SDAD1: variants seen among roughly 807,000 people sequenced by gnomAD.
The protein encoded by SDAD1 is SDA1 domain containing 1.
SDAD1 carries 79 observed loss-of-function variants against 100.3 expected under a neutral mutation model. The ratio of observed to expected loss-of-function variants is 0.79; its 90% CI spans 0.66 to 0.95. The LOEUF (loss-of-function observed/expected upper bound fraction) is 0.95, where lower values mean the gene tolerates loss of function less well. SDAD1 is among the 40% of genes least tolerant of loss of function. The pLI, the probability that SDAD1 is intolerant of heterozygous loss-of-function variation, is 0.00. For missense variants in SDAD1, 790 were observed against 810.9 expected (o/e 0.97, Z 0.31); for synonymous variants, 267 against 271.4 (o/e 0.98, Z 0.16).
At chr4:75,963,481 G>A (rs1418488953) in intron 14 of SDAD1, among the ~76,000 whole-genome samples, 1 of 152,154 alleles carries the variant, frequency 6.6e-6, no homozygotes, top group African/African-American at 2.4e-5. Context: ...ACCTTGGGCA[G>A]TATGGCCATT....
intron 12 of SDAD1, 125 bp downstream of exon 12, chr4:75,967,152 C>T: frequency 2.4e-6 from 2 of 823,980 alleles, no homozygotes; most frequent in Non-Finnish European, 1.9e-6. Flanking sequence ...AAAACAAGGG[C>T]TTCTCTTCAC....
At chr4:75,961,362 T>C (rs568147107) in intron 14 of SDAD1, 54 bp from the exon 15 acceptor site, 1 of 1,296,682 alleles carries the variant, frequency 7.7e-7, no homozygotes, top group East Asian at 2.3e-5. Flanking sequence ...TTTTTCATGA[T>C]TCAACACAGG....
intron 14 of SDAD1, among the ~76,000 whole-genome samples, chr4:75,962,971 C>G (rs990509450): frequency 3.3e-5 from 5 of 152,142 alleles, no homozygotes; most frequent in African/African-American, 1.2e-4. Context: ...CTTGTCCATG[C>G]CTATGTCCTG....
rs534530778 is a variant in SDAD1 at position 75,968,101 on chromosome 4, T to A, written c.988-767A>T. ...GTTGAACATAATGATGGATGTTCAATTGTAGTCAGTTGTGAAACTCCAGTA... is the reference window on the plus strand; with the variant it reads ...GTTGAACATAATGATGGATGTTCAAATGTAGTCAGTTGTGAAACTCCAGTA... On this transcript the variant is annotated intron_variant, in intron 11 of 21. Coordinates refer to ENST00000356260, the MANE Select transcript of SDAD1 (RefSeq NM_018115.4). Among the ~76,000 whole-genome samples the A allele has an allele frequency of 2.0e-5, 3 of 152,300 alleles. No homozygotes were observed. The East Asian group carries it at 5.8e-4, about 29-fold the overall frequency.
chr4:75,988,757 T>A (rs550916432), intron 1 of SDAD1, among the ~76,000 whole-genome samples: 1 of 152,178 alleles, frequency 6.6e-6, no homozygotes. Context: ...GGCACTATCA[T>A]CTACCTAGAC....
At chr4:75,968,149 A>G (rs916624902) in intron 11 of SDAD1, among the ~76,000 whole-genome samples, 1 of 152,202 alleles carries the variant, frequency 6.6e-6, no homozygotes, top group African/African-American at 2.4e-5. Context: ...AACCACGCTT[A>G]AATCACAAAT....
rs779609024 is a variant in SDAD1, at chr4:75,974,117, C to T, written c.595G>A (p.Val199Ile). The stretch of plus-strand genomic sequence containing the variant: ...AAACATGCAGTTGTGATAACATTGA[C>T]AGTTTTTGCATCATTCCTGGGGGAA... ...RRNIWNDAKT[V>I]NVITTACFSK... The change falls in exon 7 of 22, where the codon GTC becomes ATC. Residue 199 changes from valine to isoleucine, a missense_variant. By Grantham distance (29) the Val-to-Ile change is conservative. Transcript: ENST00000356260. 2.5e-6 allele frequency: 4 copies of T among 1,613,714 alleles called. No individual in the cohort carries two copies. Among genetic ancestry groups the T allele is most frequent in the Admixed American group, 3.3e-5 (2 of 60,016 alleles).
chr4:75,981,285 T>C, intron 3 of SDAD1, 87 bp downstream of exon 3: 1 of 1,204,618 alleles, frequency 8.3e-7, no homozygotes, highest in South Asian at 1.4e-5. Flanking sequence ...TGAAGATAAT[T>C]AGCTTAGAGG....
intron 1 of SDAD1, among the ~76,000 whole-genome samples, chr4:75,984,778 A>AACACAC (rs35320227): frequency 0.055 from 7,572 of 136,960 alleles, 543 homozygotes; most frequent in African/African-American, 0.17. Flanking sequence ...CACACACACA[A>AACACAC]ACACACACAC....
At chr4:75,989,720 CT>C (rs1339532928) in intron 1 of SDAD1, among the ~76,000 whole-genome samples, 1 of 152,218 alleles carries the variant, frequency 6.6e-6, no homozygotes, top group East Asian at 1.9e-4. Flanking sequence ...ATCTCAAAGC[CT>C]TGCCTATGTT....
chr4:75,988,926 GTTATTC>G (rs1731067795), intron 1 of SDAD1, among the ~76,000 whole-genome samples: 1 of 152,002 alleles, frequency 6.6e-6, no homozygotes, highest in Admixed American at 6.6e-5. Flanking sequence ...CCCTTGCTTG[GTTATTC>G]TGAGATCCAT....
At position 75,977,746 on chromosome 4, in the gene SDAD1, T is replaced by A. The variant is rs1730236508; in HGVS notation, c.305A>T (p.Lys102Ile). Residue 102 changes from lysine to isoleucine, a missense_variant, in exon 4 of 22, where the codon AAA becomes ATA. Coordinates refer to ENST00000356260, the MANE Select transcript of SDAD1 (RefSeq NM_018115.4). The part of the protein sequence containing the change: ...LDPDLRMTFC[K>I]ALILLRNKNL... The stretch of plus-strand genomic sequence containing the variant: ...CTTATTTCTCAGCAAGATCAAAGCT[T>A]TGCAAAATGTCTCGGGAAGGAAAAA... The A allele has an allele frequency of 6.2e-7, 1 of 1,606,200 alleles. No homozygotes were observed. The highest frequency in any genetic ancestry group is 8.5e-7 in the Non-Finnish European group (1 of 1,174,474).
At position 75,990,743 on chromosome 4, in the gene SDAD1, C is replaced by T; in HGVS notation, c.90+9G>A. ...CCGGCCTCTAGCGTCTGCCGCGCCG[C>T]ACTCCCACCTCCTCGATGTAGGCCG... On this transcript the variant is annotated intron_variant, in intron 1 of 21. Coordinates refer to ENST00000356260, the MANE Select transcript of SDAD1 (RefSeq NM_018115.4). 2 of 1,613,932 alleles carry T rather than the reference C, an allele frequency of 1.2e-6. No individual in the cohort carries two copies. Among genetic ancestry groups the T allele is most frequent in the Non-Finnish European group, 1.7e-6 (2 of 1,179,936 alleles).
At chr4:75,989,519 A>G (rs1297703587) in intron 1 of SDAD1, among the ~76,000 whole-genome samples, 1 of 152,238 alleles carries the variant, frequency 6.6e-6, no homozygotes. Flanking sequence ...TTTTGCATAT[A>G]TACTTAAGTG....
intron 3 of SDAD1, among the ~76,000 whole-genome samples, chr4:75,979,765 T>TA (rs547629228): frequency 1.7e-3 from 253 of 152,050 alleles, no homozygotes; most frequent in Non-Finnish European, 3.0e-3. Context: ...GAAATCTTTA[T>TA]TATTTTTTAA....
rs145103627 is a variant in SDAD1 at position 75,955,905 on chromosome 4, C to T, written c.2016+70G>A. 2.7e-5 allele frequency: 41 copies of T among 1,503,508 alleles called. No individual in the cohort carries two copies. In the African/African-American group the frequency reaches 4.6e-4, roughly 17 times the overall value. The allele number at this position is 1,503,508 out of a possible 1,614,324, so 93.1% of individuals were successfully genotyped here. ...GCCCAGTCTTCAGAAGGCGCAAGTC[C>T]GTCTCAAATGTAAAGCTGTCTTGGA... On this transcript the variant is annotated intron_variant, in intron 21 of 21. Coordinates refer to ENST00000356260, the MANE Select transcript of SDAD1 (RefSeq NM_018115.4).
At chr4:75,968,101 T>C (rs534530778) in intron 11 of SDAD1, among the ~76,000 whole-genome samples, 1 of 152,180 alleles carries the variant, frequency 6.6e-6, no homozygotes, top group African/African-American at 2.4e-5. Context: ...GGATGTTCAA[T>C]TGTAGTCAGT....
chr4:75,978,982 G>GAAAAA (rs538009004), intron 3 of SDAD1, among the ~76,000 whole-genome samples: 18 of 38,064 alleles, frequency 4.7e-4, no homozygotes, highest in East Asian at 1.7e-3. Context: ...CCCTGTCTCA[G>GAAAAA]AAAAAAAAAA....
At chr4:75,970,476 T>A (rs1400013974) in intron 9 of SDAD1, 98 bp from the exon 10 acceptor site, 2 of 811,326 alleles carry the variant, frequency 2.5e-6, no homozygotes, top group African/African-American at 3.5e-5. Context: ...CATTAGACTC[T>A]TTAAAAAGAA....
Sources: allele counts gnomAD v4.1 joint callset (sites outside exome capture counted in the v4.1 genomes callset), GRCh38; gene constraint gnomAD v4.1.1; transcripts MANE v1.5; gene names NCBI Gene and HGNC (gene_info 2026-07-23, HGNC 2026-07-21).